Variants in CCSER1 observed in about 807,000 individuals in gnomAD.
CCSER1 encodes the protein serine-rich coiled-coil domain-containing protein 1.
A neutral mutation model predicts 82.0 loss-of-function variants in CCSER1; 41 were observed. The observed-to-expected ratio is 0.50, with a 90% CI of 0.39 to 0.65. The LOEUF (loss-of-function observed/expected upper bound fraction) is 0.65, where lower values mean the gene tolerates loss of function less well. Among genes scored for constraint, CCSER1 ranks in the 30% least tolerant of loss-of-function variants. The pLI is 0.00. For synonymous variants in CCSER1, 414 were observed against 383.9 expected, an observed-to-expected ratio of 1.08 and a Z score of -0.92; for missense variants, 1,119 against 1,064.2, an observed-to-expected ratio of 1.05 and a Z score of -0.72.
Position 90,308,819 on chromosome 4 carries a change from A to G in CCSER1, c.535A>G (p.Lys179Glu). ...TCGTTCTGTTAAGCAGTCAACAAGG[A>G]AGCTACTCCCTAAATCTTTTTCATC... ...TRRSVKQSTR[K>E]LLPKSFSSHY... The change falls in exon 2 of 11, where the codon AAG becomes GAG. Residue 179 changes from lysine to glutamate, a missense_variant. Transcript: ENST00000509176. The G allele has an allele frequency of 6.2e-7, 1 of 1,613,796 alleles. No homozygotes were observed. The highest frequency in any genetic ancestry group is 1.1e-5 in the South Asian group (1 of 91,068).
rs1337301785 is a variant in CCSER1, at chr4:91,548,490, G to C, written c.2218-50082G>C. ...TAGACTCAAGTTTCTAGTCTGTATT[G>C]TTTTTCTTCTCTTTGGGCAACTTAT... On this transcript the variant is annotated intron_variant, in intron 10 of 10. Transcript: ENST00000509176. Among the ~76,000 whole-genome samples, 3 of 150,260 alleles carry C rather than the reference G, an allele frequency of 2.0e-5. No homozygotes were observed. The East Asian group carries it at 5.8e-4, about 29-fold the overall frequency.
intron 9 of CCSER1, among the ~76,000 whole-genome samples, chr4:91,044,874 T>C (rs1358707443): frequency 6.6e-6 from 1 of 152,234 alleles, no homozygotes; most frequent in African/African-American, 2.4e-5. Context: ...CTGTCCGAAA[T>C]GCTTGATATT....
At chr4:91,438,145 C>T (rs1301306236) in intron 10 of CCSER1, among the ~76,000 whole-genome samples, 3 of 152,338 alleles carry the variant, frequency 2.0e-5, no homozygotes, top group Admixed American at 1.3e-4. Context: ...TCCCAGCACA[C>T]AGCCGGAGAT....
chr4:91,294,375 C>G (rs1016948400), intron 10 of CCSER1, among the ~76,000 whole-genome samples: 4 of 151,828 alleles, frequency 2.6e-5, no homozygotes, highest in Non-Finnish European at 5.9e-5. Context: ...ATTTAATCTT[C>G]CTGATAGATC....
At chr4:90,988,751 C>T (rs1193326305) in intron 9 of CCSER1, among the ~76,000 whole-genome samples, 2 of 151,540 alleles carry the variant, frequency 1.3e-5, no homozygotes, top group Non-Finnish European at 2.9e-5. Flanking sequence ...GTATTTGTTA[C>T]TGATATTTTC....
chr4:90,360,590 A>AAG (rs1184586996), intron 3 of CCSER1, among the ~76,000 whole-genome samples: 1 of 151,036 alleles, frequency 6.6e-6, no homozygotes, highest in Non-Finnish European at 1.5e-5. Flanking sequence ...AAAAAAAAAA[A>AAG]AAAAAAAAAA....
At position 90,570,309 on chromosome 4, in the gene CCSER1, G is replaced by C. The variant is rs140404486; in HGVS notation, c.1725-57716G>C. Among the ~76,000 whole-genome samples, 114 of 152,286 alleles carry C rather than the reference G, an allele frequency of 7.5e-4. 1 individual carries two copies. The East Asian group carries it at 0.014, about 19-fold the overall frequency. On this transcript the variant is annotated intron_variant, in intron 5 of 10. Coordinates refer to ENST00000509176, the MANE Select transcript of CCSER1 (RefSeq NM_001145065.2). ...CCTAGTTGGTCAGGCCTGCTCCCAT[G>C]GCAGAGATTGGAGGGAGATCCATTG...
At chr4:91,584,306 T>G (rs1560780998) in intron 10 of CCSER1, among the ~76,000 whole-genome samples, 1 of 151,440 alleles carries the variant, frequency 6.6e-6, no homozygotes, top group East Asian at 1.9e-4. Flanking sequence ...TGAGGCTCTT[T>G]GGACTAGATG....
Position 91,135,062 on chromosome 4 carries a change from GA to G in CCSER1, c.2217+49081del, listed in dbSNP as rs113864414. ...CGACAGAGAGAGACTCTGTCTCAAA[GA>G]AAAAAAAAAAAACTATTCTTACTTA... On this transcript the variant is annotated intron_variant, in intron 10 of 10. Transcript: ENST00000509176. Among the ~76,000 whole-genome samples, 88 of 127,778 alleles carry G rather than the reference GA, an allele frequency of 6.9e-4. 1 individual carries two copies. Among genetic ancestry groups the G allele is most frequent in the South Asian group, 4.2e-3 (17 of 4,064 alleles). 83.8% of individuals were successfully genotyped at this position (127,778 alleles called of 152,430 possible).
At chr4:90,869,886 A>G (rs1418775994) in intron 8 of CCSER1, among the ~76,000 whole-genome samples, 1 of 151,714 alleles carries the variant, frequency 6.6e-6, no homozygotes, top group Admixed American at 6.6e-5. Flanking sequence ...TCTTTCAAGA[A>G]TGTTTCATAG....
chr4:91,343,945 G>T (rs1296505772), intron 10 of CCSER1, among the ~76,000 whole-genome samples: 1 of 152,060 alleles, frequency 6.6e-6, no homozygotes, highest in African/African-American at 2.4e-5. Flanking sequence ...TAAATAATAG[G>T]TAGTACACTG....
intron 9 of CCSER1, among the ~76,000 whole-genome samples, chr4:91,062,755 A>T (rs183296206): frequency 6.6e-6 from 1 of 152,104 alleles, no homozygotes; most frequent in Non-Finnish European, 1.5e-5. Context: ...TCATTTGGAG[A>T]TCTCTATCTT....
chr4:91,055,088 G>A (rs549865190), intron 9 of CCSER1, among the ~76,000 whole-genome samples: 1 of 152,084 alleles, frequency 6.6e-6, no homozygotes, highest in South Asian at 2.1e-4. Context: ...TCTTCTTTGT[G>A]TTTAGCTGAT....
intron 8 of CCSER1, among the ~76,000 whole-genome samples, chr4:90,864,237 A>G (rs1765460384): frequency 6.6e-6 from 1 of 151,826 alleles, no homozygotes; most frequent in South Asian, 2.1e-4. Flanking sequence ...TCTGTGATAA[A>G]CAGATTCTTT....
intron 7 of CCSER1, among the ~76,000 whole-genome samples, chr4:90,810,723 T>C (rs1039640574): frequency 1.3e-5 from 2 of 152,102 alleles, no homozygotes; most frequent in African/African-American, 4.8e-5. Flanking sequence ...CAAACAACAC[T>C]TTAAGTATTG....
At chr4:90,229,605 A>C (rs558772812) in intron 1 of CCSER1, among the ~76,000 whole-genome samples, 4 of 152,162 alleles carry the variant, frequency 2.6e-5, no homozygotes, top group Non-Finnish European at 5.9e-5. Context: ...GACAGGATCA[A>C]ATTCACACAT....
intron 6 of CCSER1, among the ~76,000 whole-genome samples, chr4:90,720,190 C>T (rs1742424251): frequency 6.6e-6 from 1 of 151,844 alleles, no homozygotes; most frequent in South Asian, 2.1e-4. Context: ...TATGGTACCA[C>T]AGGATGCTCC....
At chr4:90,441,461 C>T (rs1759865032) in intron 4 of CCSER1, among the ~76,000 whole-genome samples, 1 of 151,936 alleles carries the variant, frequency 6.6e-6, no homozygotes, top group African/African-American at 2.4e-5. Context: ...AAAGAAAGAA[C>T]AATCTCTCTG....
At chr4:90,357,198 TG>T (rs1041480714) in intron 3 of CCSER1, among the ~76,000 whole-genome samples, 1 of 151,954 alleles carries the variant, frequency 6.6e-6, no homozygotes, top group Non-Finnish European at 1.5e-5. Flanking sequence ...ACTTCTGAGA[TG>T]GTTTTAAAAA....
Sources: gnomAD v4.1 joint callset for allele counts (sites outside exome capture counted in the v4.1 genomes callset) on GRCh38, gnomAD v4.1.1 for gene constraint, MANE v1.5 for transcripts, NCBI Gene and HGNC (gene_info 2026-07-23, HGNC 2026-07-21) for gene names.